NKAIN2: variants seen among roughly 807,000 people sequenced by gnomAD.
NKAIN2 encodes the protein sodium/potassium transporting ATPase interacting 2.
In NKAIN2, 14 loss-of-function variants were observed where a neutral mutation model predicts 32.6. The ratio of observed to expected loss-of-function variants is 0.43; its 90% CI spans 0.28 to 0.67. The LOEUF (loss-of-function observed/expected upper bound fraction) is 0.67. NKAIN2 is among the 30% of genes least tolerant of loss of function. The pLI is 0.17. For missense variants in NKAIN2, 198 were observed against 258.3 expected (o/e 0.77, Z 1.60); for synonymous variants, 80 against 87.2 (o/e 0.92, Z 0.46).
At chr6:124,787,124 C>T (rs936929719) in intron 4 of NKAIN2, among the ~76,000 whole-genome samples, 1 of 152,072 alleles carries the variant, frequency 6.6e-6, no homozygotes, top group Non-Finnish European at 1.5e-5. Flanking sequence ...AATGGATTAC[C>T]AGTTCTTGGA....
At chr6:124,568,836 A>C (rs1034130819) in intron 3 of NKAIN2, among the ~76,000 whole-genome samples, 2 of 150,904 alleles carry the variant, frequency 1.3e-5, no homozygotes, top group Admixed American at 1.3e-4. Flanking sequence ...AAAAAAAAAA[A>C]AAAAAAAAAA....
chr6:123,986,192 A>G (rs906104039), intron 1 of NKAIN2, among the ~76,000 whole-genome samples: 2 of 152,228 alleles, frequency 1.3e-5, no homozygotes, highest in Non-Finnish European at 2.9e-5. Flanking sequence ...GAAGTCTAAT[A>G]CAACAGAGTA....
chr6:124,738,750 G>A (rs1178603016), intron 4 of NKAIN2, among the ~76,000 whole-genome samples: 1 of 151,796 alleles, frequency 6.6e-6, no homozygotes, highest in African/African-American at 2.4e-5. Context: ...GTCATTTGGG[G>A]AAAATCACTT....
At chr6:124,658,497 T>G (rs751047783) in intron 4 of NKAIN2, 111 bp downstream of exon 4, 1 of 1,543,358 alleles carries the variant, frequency 6.5e-7, no homozygotes, top group Non-Finnish European at 8.7e-7. Flanking sequence ...CCTTTTTGCT[T>G]TTTCCTCATT....
intron 1 of NKAIN2, among the ~76,000 whole-genome samples, chr6:124,216,637 A>G (rs542722983): frequency 6.6e-6 from 1 of 152,178 alleles, no homozygotes; most frequent in Non-Finnish European, 1.5e-5. Flanking sequence ...TTCTCAGTGC[A>G]AGAAGGCTAT....
chr6:123,826,452 A>G (rs1294758407), intron 1 of NKAIN2, among the ~76,000 whole-genome samples: 1 of 152,134 alleles, frequency 6.6e-6, no homozygotes, highest in African/African-American at 2.4e-5. Context: ...CATCACCACC[A>G]TCCATCTCCA....
In NKAIN2 at chr6:124,529,341, T is replaced by G. The variant is rs536768169; in HGVS notation, c.274-128845T>G. On this transcript the variant is annotated intron_variant, in intron 3 of 6. Coordinates refer to ENST00000368417, the MANE Select transcript of NKAIN2 (RefSeq NM_001040214.3). Reference sequence around the variant, plus strand: ...AACAATGTCACCAAGACTTCCCTTCTCTTTCTGTTTGTGCATTGGCTTCAC... The same window carrying G: ...AACAATGTCACCAAGACTTCCCTTCGCTTTCTGTTTGTGCATTGGCTTCAC... 6.6e-5 allele frequency among the ~76,000 whole-genome samples: 10 copies of G among 152,300 alleles called. No individual in the cohort carries two copies. In the South Asian group the frequency reaches 2.1e-3, roughly 32 times the overall value.
chr6:124,348,643 C>A (rs112555686), intron 2 of NKAIN2, among the ~76,000 whole-genome samples: 1,599 of 152,338 alleles, frequency 0.01, 29 homozygotes, highest in African/African-American at 0.037. Flanking sequence ...GGAACAGCTC[C>A]GGTCTACAGC....
intron 2 of NKAIN2, among the ~76,000 whole-genome samples, chr6:124,320,206 GCT>G (rs1797117525): frequency 6.6e-6 from 1 of 152,022 alleles, no homozygotes; most frequent in African/African-American, 2.4e-5. Flanking sequence ...TCAGCTATTT[GCT>G]CTCATATTTA....
At chr6:124,322,857 C>A (rs569521347) in intron 2 of NKAIN2, among the ~76,000 whole-genome samples, 1 of 152,256 alleles carries the variant, frequency 6.6e-6, no homozygotes, top group South Asian at 2.1e-4. Flanking sequence ...ATTACTTTCC[C>A]AAGTGGCTGT....
At chr6:124,397,356 T>C (rs1773424522) in intron 3 of NKAIN2, among the ~76,000 whole-genome samples, 3 of 152,064 alleles carry the variant, frequency 2.0e-5, no homozygotes, top group Admixed American at 2.0e-4. Context: ...TTCAAACATA[T>C]TCAGTGCTTA....
intron 3 of NKAIN2, among the ~76,000 whole-genome samples, chr6:124,551,170 A>T (rs1442474367): frequency 6.6e-6 from 1 of 152,230 alleles, no homozygotes; most frequent in Non-Finnish European, 1.5e-5. Flanking sequence ...TCAGTGTTTT[A>T]GTGATGTAAT....
intron 3 of NKAIN2, among the ~76,000 whole-genome samples, chr6:124,514,161 C>T (rs914110771): frequency 6.6e-6 from 1 of 152,124 alleles, no homozygotes; most frequent in Non-Finnish European, 1.5e-5. Context: ...TTCTACTGGT[C>T]ACTCATAATG....
chr6:124,046,645 G>A (rs1782148141), intron 1 of NKAIN2, among the ~76,000 whole-genome samples: 1 of 151,920 alleles, frequency 6.6e-6, no homozygotes, highest in African/African-American at 2.4e-5. Flanking sequence ...TTATAGTTTG[G>A]TCTGCAAGTG....
intron 4 of NKAIN2, among the ~76,000 whole-genome samples, chr6:124,731,571 A>T (rs1416449177): frequency 2.6e-5 from 2 of 76,876 alleles, no homozygotes; most frequent in African/African-American, 5.3e-5. Flanking sequence ...GGGTGGGGGG[A>T]GGGGGGAGGG....
chr6:124,245,838 G>C (rs1177420863), intron 1 of NKAIN2, among the ~76,000 whole-genome samples: 1 of 152,038 alleles, frequency 6.6e-6, no homozygotes, highest in Admixed American at 6.6e-5. Context: ...CATATTAAGA[G>C]TATGTATGTT....
intron 1 of NKAIN2, among the ~76,000 whole-genome samples, chr6:124,252,602 A>G (rs1297241423): frequency 1.3e-5 from 2 of 151,996 alleles, no homozygotes; most frequent in African/African-American, 4.8e-5. Flanking sequence ...AAATATATGT[A>G]TGTGTGTAAA....
intron 1 of NKAIN2, among the ~76,000 whole-genome samples, chr6:124,237,159 T>C (rs774786855): frequency 2.0e-5 from 3 of 152,102 alleles, no homozygotes; most frequent in Non-Finnish European, 4.4e-5. Flanking sequence ...TAGGAAAGAA[T>C]AGTCTGTAAA....
chr6:124,214,051 G>A (rs1485994482), intron 1 of NKAIN2, among the ~76,000 whole-genome samples: 1 of 152,062 alleles, frequency 6.6e-6, no homozygotes, highest in Non-Finnish European at 1.5e-5. Context: ...CATCTTCATT[G>A]TTAACATTTC....
Sources: allele counts gnomAD v4.1 joint callset (sites outside exome capture counted in the v4.1 genomes callset), GRCh38; gene constraint gnomAD v4.1.1; transcripts MANE v1.5; gene names NCBI Gene and HGNC (gene_info 2026-07-23, HGNC 2026-07-21).